AGMO: variants seen among roughly 807,000 people sequenced by gnomAD.
AGMO encodes the protein alkylglycerol monooxygenase, also known as glyceryl-ether monooxygenase.
AGMO carries 75 observed loss-of-function variants against 60.2 expected under a neutral mutation model. That is an observed-to-expected ratio of 1.25 (90% CI 1.03 to 1.51). The LOEUF is 1.51. Ranked by LOEUF, AGMO falls within the 40% of genes most tolerant of loss-of-function variation. The pLI, the probability that AGMO is intolerant of heterozygous loss-of-function variation, is 0.00. For synonymous variants in AGMO, 261 were observed against 177.1 expected (o/e 1.47, Z -3.76); for missense variants, 763 against 525.5 (o/e 1.45, Z -4.42).
intron 8 of AGMO, among the ~76,000 whole-genome samples, chr7:15,389,961 G>T (rs567228901): frequency 1.3e-5 from 2 of 152,130 alleles, no homozygotes; most frequent in African/African-American, 2.4e-5. Flanking sequence ...CTCACTTACC[G>T]AATGTTGTAA....
chr7:15,559,971 C>CA (rs1554287484), intron 2 of AGMO, among the ~76,000 whole-genome samples, 170 bp downstream of exon 2: 2 of 151,890 alleles, frequency 1.3e-5, no homozygotes, highest in Non-Finnish European at 2.9e-5. Context: ...TAAATAAGTG[C>CA]AAAAAATCAA....
intron 12 of AGMO, among the ~76,000 whole-genome samples, chr7:15,238,013 T>C (rs911994688): frequency 2.0e-5 from 3 of 152,164 alleles, no homozygotes; most frequent in Admixed American, 1.3e-4. Flanking sequence ...TCAGCAAACA[T>C]AGATGGCCTA....
At chr7:15,331,040 G>T (rs1781484437) in intron 12 of AGMO, among the ~76,000 whole-genome samples, 1 of 151,996 alleles carries the variant, frequency 6.6e-6, no homozygotes, top group Non-Finnish European at 1.5e-5. Flanking sequence ...TTCTCTCTGG[G>T]GGAAGCTAGA....
At chr7:15,497,262 G>C (rs1042710459) in intron 3 of AGMO, among the ~76,000 whole-genome samples, 1 of 151,936 alleles carries the variant, frequency 6.6e-6, no homozygotes, top group African/African-American at 2.4e-5. Flanking sequence ...TTTGGTAAGG[G>C]TTTCATGATA....
chr7:15,138,358 G>A, the AGMO span, among the ~76,000 whole-genome samples: 2 of 152,148 alleles, frequency 1.3e-5, no homozygotes, highest in Non-Finnish European at 2.9e-5. Flanking sequence ...GATGATTTAA[G>A]TAGAGTTAAG....
chr7:15,365,380 T>TGAAAAAAAAAAAAAAAAAAAAAAAA (rs1311387207), intron 12 of AGMO, 134 bp downstream of exon 12: 1 of 210,468 alleles, frequency 4.8e-6, no homozygotes, highest in African/African-American at 5.9e-5. Flanking sequence ...TACTGGTAAG[T>TGAAAAAAAAAAAAAAAAAAAAAAAA]AAAAAAAAAA....
the AGMO span, among the ~76,000 whole-genome samples, chr7:15,153,228 G>C: frequency 1.3e-5 from 2 of 151,406 alleles, no homozygotes; most frequent in Non-Finnish European, 2.9e-5. Context: ...ACTCTTTGTA[G>C]ATTGTGCATA....
chr7:15,236,345 T>G (rs1782418767), intron 12 of AGMO, among the ~76,000 whole-genome samples: 1 of 152,166 alleles, frequency 6.6e-6, no homozygotes, highest in Non-Finnish European at 1.5e-5. Context: ...TACATTATAA[T>G]TTATAAGCAT....
chr7:15,338,886 G>A (rs1481984543), intron 12 of AGMO, among the ~76,000 whole-genome samples: 3 of 152,136 alleles, frequency 2.0e-5, no homozygotes, highest in Non-Finnish European at 4.4e-5. Flanking sequence ...TGTAAAATAA[G>A]CATTTACACC....
intron 3 of AGMO, among the ~76,000 whole-genome samples, chr7:15,469,438 G>A (rs1162001061): frequency 6.6e-6 from 1 of 152,084 alleles, no homozygotes; most frequent in Non-Finnish European, 1.5e-5. Context: ...TCTATGTACT[G>A]TACCATTGAT....
intron 12 of AGMO, among the ~76,000 whole-genome samples, chr7:15,356,946 A>G (rs1216813544): frequency 7.0e-6 from 1 of 141,934 alleles, no homozygotes; most frequent in Non-Finnish European, 1.5e-5. Context: ...CCTCTCTACT[A>G]AAATTACAAA....
intron 12 of AGMO, among the ~76,000 whole-genome samples, chr7:15,235,649 C>T (rs1363333209): frequency 1.3e-5 from 2 of 151,986 alleles, no homozygotes; most frequent in Non-Finnish European, 2.9e-5. Flanking sequence ...GAAAATAGAT[C>T]CTAAAGAAAG....
intron 3 of AGMO, among the ~76,000 whole-genome samples, chr7:15,440,747 C>A (rs1781533004): frequency 6.6e-6 from 1 of 152,128 alleles, no homozygotes. Flanking sequence ...ACTTGCAACC[C>A]AGGAGATGAA....
the AGMO span, among the ~76,000 whole-genome samples, chr7:15,157,734 T>A: frequency 6.6e-6 from 1 of 152,214 alleles, no homozygotes; most frequent in Admixed American, 6.5e-5. Context: ...ACTTCTCAAA[T>A]CCTCCACATC....
intron 12 of AGMO, among the ~76,000 whole-genome samples, chr7:15,224,743 T>C (rs1782026546): frequency 6.6e-6 from 1 of 151,996 alleles, no homozygotes; most frequent in South Asian, 2.1e-4. Flanking sequence ...CTCAATTAAT[T>C]AAATAGAGCT....
At chr7:15,281,234 G>A (rs547154468) in intron 12 of AGMO, among the ~76,000 whole-genome samples, 3 of 152,220 alleles carry the variant, frequency 2.0e-5, no homozygotes, top group Non-Finnish European at 2.9e-5. Context: ...CACCCCAATA[G>A]TCAGGCAGCC....
At chr7:15,332,307 G>C (rs4295557) in intron 12 of AGMO, among the ~76,000 whole-genome samples, 62,556 of 151,882 alleles carry the variant, frequency 0.41, 13,830 homozygotes, top group Non-Finnish European at 0.5. Context: ...TCTGTGCCTG[G>C]TTCTGGTACA....
At chr7:15,513,269 T>C (rs1427211566) in intron 3 of AGMO, among the ~76,000 whole-genome samples, 1 of 139,930 alleles carries the variant, frequency 7.1e-6, no homozygotes. Flanking sequence ...CTTCAGTTTT[T>C]ATCAGATACC....
At chr7:15,368,450 T>C (rs939252002) in intron 10 of AGMO, among the ~76,000 whole-genome samples, 3 of 152,126 alleles carry the variant, frequency 2.0e-5, no homozygotes, top group African/African-American at 7.2e-5. Context: ...TGTAGTATGA[T>C]TGCAAATGCT....
Sources: gnomAD v4.1 joint callset for allele counts (sites outside exome capture counted in the v4.1 genomes callset) on GRCh38, gnomAD v4.1.1 for gene constraint, MANE v1.5 for transcripts, NCBI Gene and HGNC (gene_info 2026-07-23, HGNC 2026-07-21) for gene names.